PSEN2: variants seen among roughly 807,000 people sequenced by gnomAD.
PSEN2 encodes presenilin-2.
Under a neutral mutation model 49.1 loss-of-function variants are expected in PSEN2, and 32 were observed. That is an observed-to-expected ratio of 0.65 (90% confidence interval 0.49 to 0.88). The LOEUF is 0.88. Among genes scored for constraint, PSEN2 ranks in the 40% least tolerant of loss-of-function variants. The pLI is 0.00. For synonymous variants in PSEN2, 255 were observed against 244.0 expected, an observed-to-expected ratio of 1.05 and a Z score of -0.42; for missense variants, 522 against 586.9, an observed-to-expected ratio of 0.89 and a Z score of 1.14.
intron 5 of PSEN2, chr1:226,884,526 A>G: frequency 6.9e-6 from 1 of 145,432 alleles, no homozygotes; most frequent in East Asian, 2.0e-4. Context: ...ACTGCTAAGC[A>G]CCTTCTGTAA....
chr1:226,889,316 G>A (rs1299174053), intron 8 of PSEN2, among the ~76,000 whole-genome samples: 3 of 151,204 alleles, frequency 2.0e-5, no homozygotes, highest in South Asian at 2.1e-4. Flanking sequence ...TTGCTCTGTC[G>A]CCCAGGCTGG....
rs1342593568 is a variant in PSEN2, at chr1:226,895,715, G to C, written c.*136G>C. On this transcript the variant is annotated 3_prime_UTR_variant, in exon 13 of 13. Coordinates refer to ENST00000366783, the MANE Select transcript of PSEN2 (RefSeq NM_000447.3). ...ATAAAGTACGTGTTTACTTGGTGAG[G>C]AGGAGGCAGAACCAGCTCTTTGGTG... 1.8e-6 allele frequency: 2 copies of C among 1,123,464 alleles called. No homozygotes were observed. Among genetic ancestry groups the C allele is most frequent in the African/African-American group, 3.1e-5 (2 of 64,346 alleles). 69.6% of individuals were successfully genotyped at this position (1,123,464 alleles called of 1,614,324 possible).
chr1:226,893,372 A>C (rs758252779), intron 11 of PSEN2, among the ~76,000 whole-genome samples: 1 of 152,198 alleles, frequency 6.6e-6, no homozygotes, highest in Non-Finnish European at 1.5e-5. Context: ...CAGGGCTGGA[A>C]GGGCAGGGGA....
intron 3 of PSEN2, among the ~76,000 whole-genome samples, chr1:226,879,617 G>T (rs1660851928): frequency 1.3e-5 from 2 of 152,240 alleles, no homozygotes; most frequent in South Asian, 4.1e-4. Context: ...TACTTAAGTG[G>T]TTACCTCTTT....
chr1:226,901,470 C>T (rs1241285041), downstream of PSEN2, among the ~76,000 whole-genome samples: 1 of 151,742 alleles, frequency 6.6e-6, no homozygotes, highest in African/African-American at 2.4e-5. Flanking sequence ...TTTTATAATC[C>T]CAGCACCTTG....
chr1:226,885,909 G>C (rs903368035), intron 6 of PSEN2, among the ~76,000 whole-genome samples: 1 of 147,708 alleles, frequency 6.8e-6, no homozygotes, highest in African/African-American at 2.5e-5. Context: ...TCACTCCATT[G>C]CCCAGGCTGG....
chr1:226,895,772 G>T lies in PSEN2; in HGVS notation c.*193G>T. The stretch of plus-strand genomic sequence containing the variant: ...GTTTCATCACCAGACTTTGGCTCCC[G>T]CTTTGGGGAGCGCCTCGCTTCACGG... On this transcript the variant is annotated 3_prime_UTR_variant, in exon 13 of 13. Coordinates refer to ENST00000366783, the MANE Select transcript of PSEN2 (RefSeq NM_000447.3). 1 of 659,190 alleles carries T rather than the reference G, an allele frequency of 1.5e-6. No individual in the cohort carries two copies. The allele number at this position is 659,190 out of a possible 1,614,324, so 40.8% of individuals were successfully genotyped here.
chr1:226,882,518 G>A (rs1661066494), intron 4 of PSEN2, among the ~76,000 whole-genome samples: 1 of 152,198 alleles, frequency 6.6e-6, no homozygotes, highest in South Asian at 2.1e-4. Context: ...GCCCCCAGGG[G>A]AGGAGATTGT....
intron 11 of PSEN2, among the ~76,000 whole-genome samples, chr1:226,892,800 G>C (rs770886106): frequency 1.1e-4 from 16 of 152,192 alleles, no homozygotes; most frequent in Non-Finnish European, 1.9e-4. Flanking sequence ...AAGCTCTAGA[G>C]GGTCTAGATG....
chr1:226,887,748 CTT>C (rs1184153604), intron 6 of PSEN2, among the ~76,000 whole-genome samples: 13 of 152,202 alleles, frequency 8.5e-5, no homozygotes, highest in Non-Finnish European at 5.9e-5. Flanking sequence ...TGGGCAGAGA[CTT>C]TGCTAGCCTT....
intron 3 of PSEN2, among the ~76,000 whole-genome samples, chr1:226,876,838 G>T (rs983743743): frequency 6.6e-6 from 1 of 152,148 alleles, no homozygotes. Flanking sequence ...ACTCCTTTCA[G>T]TTAAGGCCAG....
At chr1:226,886,591 A>G (rs772896906) in intron 6 of PSEN2, among the ~76,000 whole-genome samples, 52 of 152,238 alleles carry the variant, frequency 3.4e-4, no homozygotes, top group Non-Finnish European at 5.1e-4. Context: ...GGCATTACCT[A>G]TTTTAAAACT....
chr1:226,886,539 G>GTT (rs992610509), intron 6 of PSEN2, among the ~76,000 whole-genome samples: 1 of 152,260 alleles, frequency 6.6e-6, no homozygotes, highest in African/African-American at 2.4e-5. Context: ...TTTCTCCCAG[G>GTT]TAAGGGGTTG....
At chr1:226,873,647 C>T (rs1249295627) in intron 2 of PSEN2, among the ~76,000 whole-genome samples, 1 of 152,126 alleles carries the variant, frequency 6.6e-6, no homozygotes, top group Non-Finnish European at 1.5e-5. Flanking sequence ...AACTCCTGAC[C>T]TCAGGTGATC....
chr1:226,886,108 A>G (rs1173823681), intron 6 of PSEN2, among the ~76,000 whole-genome samples: 1 of 151,984 alleles, frequency 6.6e-6, no homozygotes, highest in African/African-American at 2.4e-5. Context: ...GACTCAAGTG[A>G]TCTCCCACCT....
chr1:226,890,187 G>A, intron 9 of PSEN2, 54 bp downstream of exon 9: 2 of 1,428,468 alleles, frequency 1.4e-6, no homozygotes, highest in South Asian at 1.1e-5. Context: ...GCAGCCTGTG[G>A]GGGGACAGGG....
intron 9 of PSEN2, chr1:226,891,054 T>C (rs1379307365): frequency 1.0e-5 from 6 of 579,106 alleles, no homozygotes; most frequent in Admixed American, 8.7e-5. Context: ...CTGGTTCTTA[T>C]GCTTTAGGAG....
intron 9 of PSEN2, among the ~76,000 whole-genome samples, 153 bp downstream of exon 9, chr1:226,890,286 T>C (rs1661658247): frequency 6.6e-6 from 1 of 152,192 alleles, no homozygotes; most frequent in South Asian, 2.1e-4. Context: ...AGTATCTTGT[T>C]ATTACACAGT....
At position 226,895,420 on chromosome 1, in the gene PSEN2, G is replaced by T. The variant is rs772105831; in HGVS notation, c.1192-4G>T. 2.4e-5 allele frequency: 39 copies of T among 1,613,846 alleles called. No individual in the cohort carries two copies. The highest frequency in any genetic ancestry group is 2.5e-5 in the Non-Finnish European group (29 of 1,179,994). ...ACGCTCACCCTCCCCTCCATGTCCTGCAGGGCTTGTGTCTGACCCTCCTGC... is the reference window on the plus strand; with the variant it reads ...ACGCTCACCCTCCCCTCCATGTCCTTCAGGGCTTGTGTCTGACCCTCCTGC... On this transcript the variant is annotated splice_region_variant and splice_polypyrimidine_tract_variant and intron_variant, in intron 12 of 12. Coordinates refer to ENST00000366783, the MANE Select transcript of PSEN2 (RefSeq NM_000447.3).
Sources: gnomAD v4.1 joint callset for allele counts (sites outside exome capture counted in the v4.1 genomes callset) on GRCh38, gnomAD v4.1.1 for gene constraint, MANE v1.5 for transcripts, NCBI Gene and HGNC (gene_info 2026-07-23, HGNC 2026-07-21) for gene names.